ATXN2: variants seen among roughly 807,000 people sequenced by gnomAD.
The protein encoded by ATXN2 is ataxin 2.
Under a neutral mutation model 138.6 loss-of-function variants are expected in ATXN2, and 37 were observed. The ratio of observed to expected loss-of-function variants is 0.27; its 90% CI spans 0.21 to 0.35. ATXN2 has a LOEUF of 0.35. Ranked by LOEUF, ATXN2 falls within the 10% of genes least tolerant of loss-of-function variation. ATXN2 has a pLI of 1.00. For missense variants in ATXN2, 1,216 were observed against 1,480.3 expected (o/e 0.82, Z 2.93); for synonymous variants, 549 against 543.7 (o/e 1.01, Z -0.13).
At chr12:111,530,700 G>A (rs1216890495) in intron 5 of ATXN2, among the ~76,000 whole-genome samples, 2 of 152,214 alleles carry the variant, frequency 1.3e-5, no homozygotes, top group Non-Finnish European at 2.9e-5. Context: ...TGTAATCCCA[G>A]CTACTCGGGA....
At chr12:111,496,921 A>G (rs1878454194) in intron 14 of ATXN2, among the ~76,000 whole-genome samples, 1 of 152,198 alleles carries the variant, frequency 6.6e-6, no homozygotes. Flanking sequence ...AAAGATCAAT[A>G]AAACAGTAAA....
At chr12:111,464,851 TA>T in intron 20 of ATXN2, 136 bp from the exon 21 acceptor site, 1 of 655,186 alleles carries the variant, frequency 1.5e-6, no homozygotes, top group Non-Finnish European at 2.7e-6. Flanking sequence ...ACAAGCACTT[TA>T]AACACTGCTA....
intron 1 of ATXN2, chr12:111,597,962 C>T: frequency 2.4e-6 from 3 of 1,230,770 alleles, no homozygotes; most frequent in Non-Finnish European, 3.1e-6. Flanking sequence ...AACAGCAATG[C>T]GGATCGGCCA....
intron 1 of ATXN2, among the ~76,000 whole-genome samples, chr12:111,595,627 C>G (rs1452375970): frequency 1.4e-5 from 2 of 146,628 alleles, no homozygotes; most frequent in Admixed American, 1.4e-4. Flanking sequence ...GGGCAAACAC[C>G]GAGACTCTGT....
chr12:111,532,648 G>T lies in ATXN2; in HGVS notation c.572-7332C>A, dbSNP rs533483155. Among the ~76,000 whole-genome samples, 8 of 152,162 alleles carry T rather than the reference G, an allele frequency of 5.3e-5. No homozygotes were observed. In the South Asian group the frequency reaches 1.7e-3, roughly 32 times the overall value. Reference sequence around the variant, plus strand: ...TGCTAAATTTCACTTGAAGGTTAGTGTAAATAAAGATGTAAATTTCTCTTC... The same window carrying T: ...TGCTAAATTTCACTTGAAGGTTAGTTTAAATAAAGATGTAAATTTCTCTTC... On this transcript the variant is annotated intron_variant, in intron 5 of 24. Coordinates refer to ENST00000673436, the MANE Select transcript of ATXN2 (RefSeq NM_001372574.1).
chr12:111,543,489 A>T (rs1163661654), intron 5 of ATXN2, among the ~76,000 whole-genome samples: 3 of 152,158 alleles, frequency 2.0e-5, no homozygotes, highest in Non-Finnish European at 4.4e-5. Context: ...GCTGGAGTGC[A>T]GTGGTACGAT....
chr12:111,554,014 G>T, intron 3 of ATXN2, 144 bp downstream of exon 3: 1 of 615,790 alleles, frequency 1.6e-6, no homozygotes, highest in Non-Finnish European at 2.7e-6. Context: ...GATAAAAGGA[G>T]TTCTAATCTA....
At chr12:111,544,386 A>G (rs1462192578) in intron 5 of ATXN2, among the ~76,000 whole-genome samples, 1 of 152,248 alleles carries the variant, frequency 6.6e-6, no homozygotes, top group African/African-American at 2.4e-5. Flanking sequence ...AATTTCATTT[A>G]TTCAAACACA....
intron 5 of ATXN2, among the ~76,000 whole-genome samples, chr12:111,548,912 G>A (rs777402798): frequency 4.6e-5 from 7 of 151,998 alleles, no homozygotes; most frequent in South Asian, 2.1e-4. Context: ...TAGTAAAGAC[G>A]GGGTTTCAAC....
chr12:111,515,078 T>C (rs1879776377), intron 10 of ATXN2, among the ~76,000 whole-genome samples: 1 of 152,168 alleles, frequency 6.6e-6, no homozygotes, highest in Non-Finnish European at 1.5e-5. Flanking sequence ...TTAAGGCCCT[T>C]TTGAGCAAAG....
chr12:111,480,585 G>A (rs535703735), intron 18 of ATXN2, among the ~76,000 whole-genome samples: 96 of 152,342 alleles, frequency 6.3e-4, no homozygotes, highest in African/African-American at 2.1e-3. Flanking sequence ...TGAGGCAGGG[G>A]AATCGCTTGA....
Position 111,488,577 on chromosome 12 carries a change from C to T in ATXN2, c.2139G>A (p.Glu713=), listed in dbSNP as rs777333585. The change falls in exon 15 of 25, where the codon GAG becomes GAA. Residue 713 remains glutamate (E), a synonymous_variant. Coordinates refer to ENST00000673436, the MANE Select transcript of ATXN2 (RefSeq NM_001372574.1). ...AAGTGACCTCAGGTCCCCTCTTGTG[C>T]TCCGTGTTACTAAGTATTGAAGGGG... is the stretch of plus-strand genomic sequence containing the variant. The part of the protein sequence containing the change: ...SISPSILSNT[E]HKRGPEVTSQ... The T allele has an allele frequency of 1.9e-6, 3 of 1,614,198 alleles. No individual in the cohort carries two copies. Among genetic ancestry groups the T allele is most frequent in the Non-Finnish European group, 2.5e-6 (3 of 1,180,036 alleles).
chr12:111,457,365 G>A lies in ATXN2; in HGVS notation c.2897-6C>T, dbSNP rs377369884. ...AGCAAGGGAGCCCGTGGAAACTAAA[G>A]TGAAAGAAAAAGGAGCATGTACACA... On this transcript the variant is annotated splice_polypyrimidine_tract_variant and splice_region_variant and intron_variant, in intron 21 of 24. Coordinates refer to ENST00000673436, the MANE Select transcript of ATXN2 (RefSeq NM_001372574.1). 4.4e-6 allele frequency: 7 copies of A among 1,603,290 alleles called. No individual in the cohort carries two copies. Among genetic ancestry groups the A allele is most frequent in the Admixed American group, 1.7e-5 (1 of 57,526 alleles).
chr12:111,549,816 C>T (rs1351927292), intron 5 of ATXN2, among the ~76,000 whole-genome samples: 1 of 152,154 alleles, frequency 6.6e-6, no homozygotes, highest in Non-Finnish European at 1.5e-5. Flanking sequence ...ATAATCCCAG[C>T]ACTCTGGGAG....
At chr12:111,531,114 G>A (rs535598136) in intron 5 of ATXN2, among the ~76,000 whole-genome samples, 47 of 151,664 alleles carry the variant, frequency 3.1e-4, no homozygotes, top group African/African-American at 1.1e-3. Flanking sequence ...GCGAAACTCT[G>A]TTTAAAATTA....
Position 111,518,355 on chromosome 12 carries a change from T to A in ATXN2, c.1059A>T (p.Ser353=). ...VISWGSGRQN[S]PRMGQPGSGS... is the part of the protein sequence containing the mutation. ...CCGATCCAGGCTGGCCCATACGCGG[T>A]GAATTCTGTCTCCCACTTCCCCAGG... Residue 353 remains serine (S), a synonymous_variant, in exon 9 of 25, where the codon TCA becomes TCT. Coordinates refer to ENST00000673436, the MANE Select transcript of ATXN2 (RefSeq NM_001372574.1). 1 of 1,613,526 alleles carries A rather than the reference T, an allele frequency of 6.2e-7. No individual in the cohort carries two copies. Among genetic ancestry groups the A allele is most frequent in the Non-Finnish European group, 8.5e-7 (1 of 1,179,574 alleles).
intron 1 of ATXN2, among the ~76,000 whole-genome samples, chr12:111,594,313 T>C (rs1884824551): frequency 6.6e-6 from 1 of 152,070 alleles, no homozygotes; most frequent in African/African-American, 2.4e-5. Context: ...AATGGAAGCA[T>C]GATGAACAAC....
chr12:111,591,071 T>C (rs899561154), intron 1 of ATXN2, among the ~76,000 whole-genome samples: 31 of 152,034 alleles, frequency 2.0e-4, no homozygotes, highest in African/African-American at 7.0e-4. Context: ...TTTGTATTTT[T>C]AGTAGAGGGG....
chr12:111,574,610 A>G (rs1883532183), intron 1 of ATXN2, among the ~76,000 whole-genome samples: 1 of 151,812 alleles, frequency 6.6e-6, no homozygotes, highest in African/African-American at 2.4e-5. Context: ...TTTTGTAGAG[A>G]TGGGGCCTCA....
Sources: allele counts gnomAD v4.1 joint callset (sites outside exome capture counted in the v4.1 genomes callset), GRCh38; gene constraint gnomAD v4.1.1; transcripts MANE v1.5; gene names NCBI Gene and HGNC (gene_info 2026-07-23, HGNC 2026-07-21).